CDC42BPA: variants seen among roughly 807,000 people sequenced by gnomAD.
CDC42BPA encodes CDC42 binding protein kinase alpha.
A neutral mutation model predicts 223.5 loss-of-function variants in CDC42BPA; 80 were observed. That is an observed-to-expected ratio of 0.36 (90% CI 0.30 to 0.43). CDC42BPA has a LOEUF of 0.43. Ranked by LOEUF, CDC42BPA falls within the 20% of genes least tolerant of loss-of-function variation. The pLI, the probability that CDC42BPA is intolerant of heterozygous loss-of-function variation, is 1.00. For missense variants in CDC42BPA, 1,743 were observed against 2,099.9 expected (o/e 0.83, Z 3.32); for synonymous variants, 694 against 718.6 (o/e 0.97, Z 0.55).
chr1:227,177,893 T>A (rs927285457), intron 5 of CDC42BPA, among the ~76,000 whole-genome samples: 1 of 152,198 alleles, frequency 6.6e-6, no homozygotes, highest in Non-Finnish European at 1.5e-5. Flanking sequence ...TGAATTTGAA[T>A]ATACTTTATT....
At chr1:227,305,974 A>G (rs946321270) in intron 1 of CDC42BPA, among the ~76,000 whole-genome samples, 2 of 152,166 alleles carry the variant, frequency 1.3e-5, no homozygotes, top group African/African-American at 4.8e-5. Flanking sequence ...TCAAAAAACT[A>G]AATAAATAAA....
intron 12 of CDC42BPA, among the ~76,000 whole-genome samples, chr1:227,119,526 T>C (rs1055207803): frequency 6.6e-6 from 1 of 152,076 alleles, no homozygotes; most frequent in African/African-American, 2.4e-5. Flanking sequence ...TATTTCTTCA[T>C]GTTTCTTTTT....
At chr1:227,034,839 G>A (rs201089998) in intron 25 of CDC42BPA, 45 bp from the exon 26 acceptor site, 2 of 1,517,522 alleles carry the variant, frequency 1.3e-6, no homozygotes, top group Non-Finnish European at 9.0e-7. Context: ...CAACTCAAAT[G>A]AAAATATCCC....
At chr1:227,151,696 T>A (rs1401106887) in intron 6 of CDC42BPA, among the ~76,000 whole-genome samples, 1 of 151,990 alleles carries the variant, frequency 6.6e-6, no homozygotes, top group East Asian at 1.9e-4. Flanking sequence ...TGTGGTTTTG[T>A]GTTTCTCTAA....
At chr1:227,260,729 T>C (rs571754033) in intron 1 of CDC42BPA, among the ~76,000 whole-genome samples, 2 of 151,270 alleles carry the variant, frequency 1.3e-5, no homozygotes, top group South Asian at 4.1e-4. Context: ...CCTTCTTCTC[T>C]TTCGTCTCGA....
In CDC42BPA at chr1:227,160,639, GA is replaced by G; in HGVS notation, c.600-4del. On this transcript the variant is annotated splice_polypyrimidine_tract_variant and splice_region_variant and intron_variant, in intron 5 of 36. Transcript: ENST00000366766. ...GTATATTGTCAGGTTTAATGTCTCT[GA>G]AAAAATAAATAAATTCAATTTTTAG... 2 of 1,471,110 alleles carry G rather than the reference GA, an allele frequency of 1.4e-6. No individual in the cohort carries two copies. Among genetic ancestry groups the G allele is most frequent in the Non-Finnish European group, 9.3e-7 (1 of 1,073,286 alleles). The allele number at this position is 1,471,110 out of a possible 1,614,324, so 91.1% of individuals were successfully genotyped here. A position where few individuals can be genotyped will look rare whatever the true frequency, so the allele number is the denominator to read the frequency against.
intron 12 of CDC42BPA, 42 bp from the exon 13 acceptor site, chr1:227,112,955 C>T: frequency 1.9e-6 from 3 of 1,595,404 alleles, no homozygotes; most frequent in Admixed American, 1.7e-5. Flanking sequence ...AATTCTGCAA[C>T]CTAGAGACCA....
chr1:227,068,209 CT>C (rs1677507562), intron 21 of CDC42BPA, among the ~76,000 whole-genome samples: 1 of 151,608 alleles, frequency 6.6e-6, no homozygotes, highest in South Asian at 2.1e-4. Flanking sequence ...ATAAAACCTA[CT>C]GGAGAAATTA....
At chr1:227,192,583 C>G (rs1669899864) in intron 5 of CDC42BPA, among the ~76,000 whole-genome samples, 1 of 152,186 alleles carries the variant, frequency 6.6e-6, no homozygotes, top group South Asian at 2.1e-4. Context: ...TTGCACCATC[C>G]AAAGATACTC....
At chr1:227,285,763 C>A (rs535874810) in intron 1 of CDC42BPA, among the ~76,000 whole-genome samples, 2 of 152,326 alleles carry the variant, frequency 1.3e-5, no homozygotes, top group African/African-American at 4.8e-5. Flanking sequence ...AAAAAAGGAG[C>A]CACCTCATTT....
intron 17 of CDC42BPA, among the ~76,000 whole-genome samples, chr1:227,079,159 AATCTGCT>A (rs1184987996): frequency 6.6e-6 from 1 of 152,184 alleles, no homozygotes; most frequent in Non-Finnish European, 1.5e-5. Context: ...GGTATTTGCC[AATCTGCT>A]ATCTATTACT....
At chr1:227,310,242 A>AT (rs2148813637) in intron 1 of CDC42BPA, among the ~76,000 whole-genome samples, 1 of 152,340 alleles carries the variant, frequency 6.6e-6, no homozygotes, top group South Asian at 2.1e-4. Context: ...TTAACATTAA[A>AT]TGTTGTCTAA....
intron 6 of CDC42BPA, among the ~76,000 whole-genome samples, chr1:227,160,199 T>C (rs1210839453): frequency 6.6e-6 from 1 of 152,220 alleles, no homozygotes; most frequent in Non-Finnish European, 1.5e-5. Flanking sequence ...AGCTGCGTTT[T>C]CTTTTTCTAT....
chr1:227,263,225 C>A (rs1849549), intron 1 of CDC42BPA, among the ~76,000 whole-genome samples: 46,812 of 152,110 alleles, frequency 0.31, 7,378 homozygotes, highest in East Asian at 0.37. Context: ...GAGCAAGACT[C>A]TGTCTCAAAC....
At chr1:227,100,191 T>C (rs917344387) in intron 15 of CDC42BPA, among the ~76,000 whole-genome samples, 5 of 152,140 alleles carry the variant, frequency 3.3e-5, no homozygotes, top group Admixed American at 6.6e-5. Flanking sequence ...TCTTAGTAGA[T>C]GGAATCCATC....
chr1:227,138,730 T>C (rs976128292), intron 10 of CDC42BPA, among the ~76,000 whole-genome samples: 2 of 152,184 alleles, frequency 1.3e-5, no homozygotes, highest in East Asian at 3.9e-4. Context: ...GTTGTGGGTG[T>C]TTTAAGCAAG....
At chr1:227,257,082 G>C (rs1683206423) in intron 1 of CDC42BPA, among the ~76,000 whole-genome samples, 1 of 151,910 alleles carries the variant, frequency 6.6e-6, no homozygotes. Flanking sequence ...AAGTAAGACA[G>C]GCATTAAAAG....
chr1:227,229,207 T>C (rs1190643588), intron 2 of CDC42BPA, among the ~76,000 whole-genome samples: 2 of 152,194 alleles, frequency 1.3e-5, no homozygotes, highest in Non-Finnish European at 2.9e-5. Flanking sequence ...TGGTATGAAG[T>C]AGAGTCCAAC....
intron 16 of CDC42BPA, among the ~76,000 whole-genome samples, chr1:227,088,732 T>C (rs1279711625): frequency 6.6e-6 from 1 of 152,146 alleles, no homozygotes; most frequent in African/African-American, 2.4e-5. Context: ...ATGATATATA[T>C]ATATATTTTT....
Sources: allele counts gnomAD v4.1 joint callset (sites outside exome capture counted in the v4.1 genomes callset), GRCh38; gene constraint gnomAD v4.1.1; transcripts MANE v1.5; gene names NCBI Gene and HGNC (gene_info 2026-07-23, HGNC 2026-07-21).